The following MTA3 variants were observed in gnomAD, a reference collection of about 807,000 sequenced individuals.
The protein encoded by MTA3 is metastasis associated 1 family member 3.
In MTA3, 34 loss-of-function variants were observed where a neutral mutation model predicts 83.5. That is an observed-to-expected ratio of 0.41 (90% CI 0.31 to 0.54). The LOEUF (loss-of-function observed/expected upper bound fraction) is 0.54. Ranked by LOEUF, MTA3 falls within the 20% of genes least tolerant of loss-of-function variation. The probability of loss-of-function intolerance (pLI) is 0.33; values close to 1 mark genes in which losing one functional copy is unlikely to be tolerated. For missense variants in MTA3, 761 were observed against 726.4 expected (o/e 1.05, Z -0.55); for synonymous variants, 303 against 252.7 (o/e 1.20, Z -1.89).
At chr2:42,661,831 A>G (rs1558555806) in intron 8 of MTA3, among the ~76,000 whole-genome samples, 1 of 152,174 alleles carries the variant, frequency 6.6e-6, no homozygotes, top group Non-Finnish European at 1.5e-5. Context: ...GCAAATGTTA[A>G]TATTTTAGTT....
rs1257824076 is a variant in MTA3, at chr2:42,672,636, T to C, written c.703-9765T>C. Among the ~76,000 whole-genome samples the C allele has an allele frequency of 1.0e-3, 92 of 88,136 alleles. 1 individual carries two copies. The highest frequency in any genetic ancestry group is 4.2e-4 in the Non-Finnish European group (22 of 51,806). 57.8% of individuals were successfully genotyped at this position (88,136 alleles called of 152,430 possible). A position where few individuals can be genotyped will look rare whatever the true frequency, so the allele number is the denominator to read the frequency against. On this transcript the variant is annotated intron_variant, in intron 8 of 16. Transcript: ENST00000405094. ...CTCTAGCCCGGGTCACAGAGCAAGA[T>C]TCCATCTCCAAAAAAAAAAAAAAAA...
chr2:42,500,938 G>A (rs956754424), intron 2 of MTA3, among the ~76,000 whole-genome samples: 4 of 151,706 alleles, frequency 2.6e-5, no homozygotes, highest in African/African-American at 9.7e-5. Flanking sequence ...AGCCTCCCGA[G>A]TAGCTGGGAC....
intron 2 of MTA3, among the ~76,000 whole-genome samples, chr2:42,505,535 A>G (rs930312589): frequency 2.0e-5 from 3 of 151,680 alleles, no homozygotes; most frequent in Non-Finnish European, 4.4e-5. Context: ...TCTCCTCTCT[A>G]CCAAGCACTA....
chr2:42,568,830 C>T, intron 1 of MTA3, 57 bp downstream of exon 1: 1 of 1,210,446 alleles, frequency 8.3e-7, no homozygotes. Flanking sequence ...GAGCGGGGGG[C>T]CGGGGCGAGT....
chr2:42,540,943 G>C (rs1676491593), intron 2 of MTA3, among the ~76,000 whole-genome samples: 1 of 151,896 alleles, frequency 6.6e-6, no homozygotes, highest in Non-Finnish European at 1.5e-5. Flanking sequence ...ACTACACATG[G>C]TCCCTGACTT....
intron 14 of MTA3, among the ~76,000 whole-genome samples, chr2:42,710,549 C>CAAAAAAAAAAAAAAA (rs765315082): frequency 1.6e-5 from 1 of 61,068 alleles, no homozygotes; most frequent in Non-Finnish European, 3.0e-5. Flanking sequence ...AACTTCATCT[C>CAAAAAAAAAAAAAAA]AAAAAAAAAA....
intron 6 of MTA3, among the ~76,000 whole-genome samples, chr2:42,648,177 G>A (rs544713275): frequency 6.6e-6 from 1 of 152,246 alleles, no homozygotes; most frequent in South Asian, 2.1e-4. Flanking sequence ...TTTTAGGGGG[G>A]AAGGAGTGGG....
chr2:42,589,603 C>T lies in MTA3; in HGVS notation c.190+10403C>T, dbSNP rs1680728928. ...AGTTTTGCTCTTTCACCCAGGCTGG[C>T]GTGCAGTGGTGCCATCTCGGCTTAC... On this transcript the variant is annotated intron_variant, in intron 3 of 16. Transcript: ENST00000405094. Among the ~76,000 whole-genome samples the T allele has an allele frequency of 2.0e-5, 3 of 152,024 alleles. No homozygotes were observed. The South Asian group carries it at 6.2e-4, about 32-fold the overall frequency.
chr2:42,634,754 T>G (rs1010572128), intron 4 of MTA3, among the ~76,000 whole-genome samples: 1 of 152,212 alleles, frequency 6.6e-6, no homozygotes, highest in African/African-American at 2.4e-5. Context: ...TGTAGTCATT[T>G]TCAACTCCTC....
At chr2:42,746,576 C>G (rs1002090778) in intron 16 of MTA3, among the ~76,000 whole-genome samples, 1 of 152,228 alleles carries the variant, frequency 6.6e-6, no homozygotes, top group Non-Finnish European at 1.5e-5. Context: ...CTTCCAGTGG[C>G]ATTCACAAGC....
chr2:42,567,231 C>T (rs1465521497), upstream of MTA3, among the ~76,000 whole-genome samples: 1 of 152,200 alleles, frequency 6.6e-6, no homozygotes, highest in Non-Finnish European at 1.5e-5. Flanking sequence ...GCAACTGATC[C>T]TTACCACACC....
intron 2 of MTA3, among the ~76,000 whole-genome samples, chr2:42,504,448 C>T (rs1674540349): frequency 6.6e-6 from 1 of 151,692 alleles, no homozygotes; most frequent in Admixed American, 6.6e-5. Context: ...GCCATGTTGA[C>T]CATGCTGGTC....
In MTA3 at chr2:42,585,150, G is replaced by A. The variant is rs1490901683; in HGVS notation, c.190+5950G>A. On this transcript the variant is annotated intron_variant, in intron 3 of 16. Coordinates refer to ENST00000405094, the MANE Select transcript of MTA3 (RefSeq NM_001330442.2). ...GTTGCCTAGGCTGGAGTGCAATGGCGCGATCTCCGGCTCACTGCAACCTCC... is the reference window on the plus strand; with the variant it reads ...GTTGCCTAGGCTGGAGTGCAATGGCACGATCTCCGGCTCACTGCAACCTCC... Among the ~76,000 whole-genome samples, 3 of 150,794 alleles carry A rather than the reference G, an allele frequency of 2.0e-5. No homozygotes were observed. In the South Asian group the frequency reaches 6.3e-4, roughly 32 times the overall value.
chr2:42,578,179 G>C (rs1243612373), intron 2 of MTA3, among the ~76,000 whole-genome samples: 1 of 152,104 alleles, frequency 6.6e-6, no homozygotes, highest in African/African-American at 2.4e-5. Context: ...CTGAAAATTT[G>C]TTCTCACACT....
At chr2:42,740,738 A>G (rs184226525) in intron 16 of MTA3, among the ~76,000 whole-genome samples, 42 of 152,370 alleles carry the variant, frequency 2.8e-4, no homozygotes, top group African/African-American at 8.9e-4. Flanking sequence ...TCCGTAAACC[A>G]TGCTGTAAAC....
chr2:42,704,008 T>C, intron 11 of MTA3, 186 bp from the exon 12 acceptor site: 1 of 574,020 alleles, frequency 1.7e-6, no homozygotes, highest in Non-Finnish European at 3.0e-6. Context: ...TTTCATAGAC[T>C]CGTTTTATAA....
At chr2:42,692,663 G>A (rs1222452959) in intron 9 of MTA3, among the ~76,000 whole-genome samples, 3 of 152,162 alleles carry the variant, frequency 2.0e-5, no homozygotes, top group East Asian at 1.9e-4. Context: ...CTGGCCTTAC[G>A]TGATCCTCCT....
chr2:42,660,015 T>C (rs1202001894), intron 8 of MTA3, among the ~76,000 whole-genome samples, 153 bp downstream of exon 8: 4 of 152,154 alleles, frequency 2.6e-5, no homozygotes, highest in African/African-American at 7.2e-5. Context: ...GTTGACTGGG[T>C]TATGATAACA....
Position 42,697,945 on chromosome 2 carries a change from C to T in MTA3, c.1025+111C>T, listed in dbSNP as rs569378728. The T allele has an allele frequency of 1.7e-5, 12 of 687,432 alleles. No individual in the cohort carries two copies. The Admixed American group carries it at 4.3e-4, about 24-fold the overall frequency. The allele number at this position is 687,432 out of a possible 1,614,324, so 42.6% of individuals were successfully genotyped here. Reference sequence around the variant, plus strand: ...ATTTGAACTTTTGTGTATCTTTCTTCTTCTACAAAGCATGAGACTTACTAT... The same window carrying T: ...ATTTGAACTTTTGTGTATCTTTCTTTTTCTACAAAGCATGAGACTTACTAT... On this transcript the variant is annotated intron_variant, in intron 11 of 16. Transcript: ENST00000405094.
Sources: allele counts gnomAD v4.1 joint callset (sites outside exome capture counted in the v4.1 genomes callset), GRCh38; gene constraint gnomAD v4.1.1; transcripts MANE v1.5; gene names NCBI Gene and HGNC (gene_info 2026-07-23, HGNC 2026-07-21).